The following ACCSL variants were observed in gnomAD, a reference collection of about 807,000 sequenced individuals.
ACCSL encodes the protein probable inactive 1-aminocyclopropane-1-carboxylate synthase-like protein 2.
Under a neutral mutation model 61.7 loss-of-function variants are expected in ACCSL, and 55 were observed. That is an observed-to-expected ratio of 0.89 (90% CI 0.72 to 1.12). The LOEUF (loss-of-function observed/expected upper bound fraction) is 1.12. Among genes scored for constraint, ACCSL ranks in the 50% most tolerant of loss-of-function variants. ACCSL has a pLI of 0.00. For missense variants in ACCSL, 632 were observed against 698.0 expected (o/e 0.91, Z 1.07); for synonymous variants, 258 against 264.3 (o/e 0.98, Z 0.23).
the ACCSL span, chr11:43,942,923 G>C: frequency 4.2e-6 from 6 of 1,415,492 alleles, no homozygotes; most frequent in Admixed American, 2.9e-5. Context: ...CAAGCCCGGC[G>C]AGCTGATGGG....
At chr11:43,925,407 G>C in the ACCSL span, 1 of 456,214 alleles carries the variant, frequency 2.2e-6, no homozygotes, top group Non-Finnish European at 4.4e-6. Context: ...GAGTGGTATT[G>C]ATCGTCTCCA....
At chr11:43,983,842 G>A in the ACCSL span, among the ~76,000 whole-genome samples, 20 of 152,092 alleles carry the variant, frequency 1.3e-4, no homozygotes, top group East Asian at 3.1e-3. Flanking sequence ...CAGGCCGGGC[G>A]CTGTGGCTCA....
chr11:44,032,756 C>T, the ACCSL span, among the ~76,000 whole-genome samples: 1 of 152,190 alleles, frequency 6.6e-6, no homozygotes, highest in Non-Finnish European at 1.5e-5. Flanking sequence ...CCTAGGTCAA[C>T]AGAAGCCCAG....
chr11:44,056,838 C>G (rs1952674939), intron 11 of ACCSL, among the ~76,000 whole-genome samples: 1 of 152,030 alleles, frequency 6.6e-6, no homozygotes, highest in Non-Finnish European at 1.5e-5. Flanking sequence ...TCTCAAAAAA[C>G]AAAAACAAAA....
Position 44,048,195 on chromosome 11 carries a change from G to A in ACCSL, c.159G>A (p.Leu53=), listed in dbSNP as rs1384906359. ...TGCAGCTGACGAGCAGACAGGGCCT[G>A]TCGCTGGAGGAAAGGAGGCACACTG... is the stretch of plus-strand genomic sequence containing the variant. ...HFVQLTSRQG[L]SLEERRHTEA... The change falls in exon 1 of 14, where the codon CTG becomes CTA. Residue 53 remains leucine, a synonymous_variant. Coordinates refer to ENST00000378832, the MANE Select transcript of ACCSL (RefSeq NM_001031854.2). 6.2e-7 allele frequency: 1 copy of A among 1,614,104 alleles called. No homozygotes were observed. Among genetic ancestry groups the A allele is most frequent in the Non-Finnish European group, 8.5e-7 (1 of 1,180,060 alleles).
the ACCSL span, among the ~76,000 whole-genome samples, chr11:44,018,121 C>T: frequency 1.3e-5 from 2 of 152,130 alleles, no homozygotes; most frequent in Non-Finnish European, 2.9e-5. Flanking sequence ...TGTATTTGGG[C>T]GTCTGTCTGT....
the ACCSL span, among the ~76,000 whole-genome samples, chr11:43,956,032 C>T: frequency 6.6e-6 from 1 of 151,344 alleles, no homozygotes; most frequent in African/African-American, 2.4e-5. Context: ...TGGGCAGCCT[C>T]CAGAATCACA....
chr11:44,045,306 G>A (rs1415447174), upstream of ACCSL, among the ~76,000 whole-genome samples: 1 of 152,066 alleles, frequency 6.6e-6, no homozygotes, highest in African/African-American at 2.4e-5. Context: ...TGGGTGTGGT[G>A]GAATGTGCCT....
upstream of ACCSL, among the ~76,000 whole-genome samples, chr11:44,044,990 C>G (rs980467611): frequency 2.0e-5 from 3 of 152,188 alleles, no homozygotes; most frequent in Admixed American, 1.3e-4. Flanking sequence ...CCCCCGGTAC[C>G]AGACAACTTA....
At chr11:43,976,745 T>C in the ACCSL span, among the ~76,000 whole-genome samples, 2 of 152,186 alleles carry the variant, frequency 1.3e-5, no homozygotes, top group Admixed American at 6.5e-5. Flanking sequence ...TCATTCCTGC[T>C]CATCTCCATT....
chr11:43,927,763 A>T, the ACCSL span, among the ~76,000 whole-genome samples: 2 of 152,192 alleles, frequency 1.3e-5, no homozygotes, highest in Non-Finnish European at 2.9e-5. Flanking sequence ...GTTTGAGCAG[A>T]TCTGAGAAAC....
At chr11:43,933,680 A>G in the ACCSL span, among the ~76,000 whole-genome samples, 1 of 152,170 alleles carries the variant, frequency 6.6e-6, no homozygotes, top group Non-Finnish European at 1.5e-5. Context: ...CTGTGCCGGA[A>G]AGCAGAACCT....
At chr11:44,044,198 G>A (rs1015193310), upstream of ACCSL, among the ~76,000 whole-genome samples, 3 of 152,164 alleles carry the variant, frequency 2.0e-5, no homozygotes, top group Non-Finnish European at 4.4e-5. Context: ...ATGAAGCCAG[G>A]CTGGAGTTCA....
chr11:43,924,749 C>G, the ACCSL span, among the ~76,000 whole-genome samples: 19 of 152,340 alleles, frequency 1.2e-4, no homozygotes, highest in Non-Finnish European at 2.5e-4. Context: ...ACCAGCCTCG[C>G]CACCAGTCCG....
At chr11:43,961,103 G>C in the ACCSL span, among the ~76,000 whole-genome samples, 1 of 152,326 alleles carries the variant, frequency 6.6e-6, no homozygotes, top group South Asian at 2.1e-4. Flanking sequence ...TTACAGGCGT[G>C]AGCCACCGCG....
Position 44,053,417 on chromosome 11 carries a change from C to T in ACCSL, c.960C>T (p.Val320=), listed in dbSNP as rs1299608942. 1.2e-6 allele frequency: 2 copies of T among 1,614,006 alleles called. No homozygotes were observed. Among genetic ancestry groups the T allele is most frequent in the African/African-American group, 2.7e-5 (2 of 74,908 alleles). The change falls in exon 8 of 14, where the codon GTC becomes GTT. Residue 320 remains valine (V), a synonymous_variant. Coordinates refer to ENST00000378832, the MANE Select transcript of ACCSL (RefSeq NM_001031854.2). ...LLEARLEGKK[V]RGLVLINPQN... is the part of the protein sequence containing the mutation. ...TGGGTTTTTCTTAGGGGAAAAAGGT[C>T]CGAGGCCTTGTGCTAATCAACCCTC... is the stretch of plus-strand genomic sequence containing the variant.
chr11:43,998,946 G>A, the ACCSL span, among the ~76,000 whole-genome samples: 5 of 152,054 alleles, frequency 3.3e-5, no homozygotes, highest in Admixed American at 1.3e-4. Context: ...TTTTTTCAGA[G>A]ATGGGGTCTT....
At chr11:43,965,473 A>C in the ACCSL span, among the ~76,000 whole-genome samples, 1,229 of 152,322 alleles carry the variant, frequency 8.1e-3, 14 homozygotes, top group African/African-American at 0.028. Flanking sequence ...AAATGGAACT[A>C]TATCCCATAT....
chr11:43,980,162 G>A, the ACCSL span, among the ~76,000 whole-genome samples: 89 of 152,212 alleles, frequency 5.8e-4, no homozygotes, highest in Non-Finnish European at 7.2e-4. Context: ...TAGCTGCCTA[G>A]AATTCTGTTG....
Sources: allele counts gnomAD v4.1 joint callset (sites outside exome capture counted in the v4.1 genomes callset), GRCh38; gene constraint gnomAD v4.1.1; transcripts MANE v1.5; gene names NCBI Gene and HGNC (gene_info 2026-07-23, HGNC 2026-07-21).